The following PPIP5K2 variants were observed in gnomAD, a reference collection of about 807,000 sequenced individuals.
The protein encoded by PPIP5K2 is diphosphoinositol pentakisphosphate kinase 2.
Under a neutral mutation model 154.6 loss-of-function variants are expected in PPIP5K2, and 105 were observed. The observed-to-expected ratio is 0.68, with a 90% CI of 0.58 to 0.80. The LOEUF (loss-of-function observed/expected upper bound fraction) is 0.80. Ranked by LOEUF, PPIP5K2 falls within the 30% of genes least tolerant of loss-of-function variation. The pLI is 0.00. For synonymous variants in PPIP5K2, 480 were observed against 490.3 expected (o/e 0.98, Z 0.28); for missense variants, 992 against 1,504.6 (o/e 0.66, Z 5.64).
At position 103,204,542 on chromosome 5, in the gene PPIP5K2, T is replaced by C. The variant is rs1803391775; in HGVS notation, c.*2908T>C. On this transcript the variant is annotated 3_prime_UTR_variant, in exon 31 of 31. Transcript: ENST00000358359. ...TCACTACAGCCTTGAACTCCTGGGC[T>C]CAAGAAATCTTTCTGCTTCAGCCTC... The C allele has an allele frequency of 6.6e-6, 1 of 152,170 alleles. No homozygotes were observed. The highest frequency in any genetic ancestry group is 2.4e-5 in the African/African-American group (1 of 41,460). 9.4% of individuals were successfully genotyped at this position (152,170 alleles called of 1,614,324 possible). A position where few individuals can be genotyped will look rare whatever the true frequency, so the allele number is the denominator to read the frequency against.
chr5:103,129,500 A>G lies in PPIP5K2; in HGVS notation c.-90A>G, dbSNP rs1790263114. The G allele has an allele frequency of 9.5e-7, 1 of 1,055,384 alleles. No homozygotes were observed. The highest frequency in any genetic ancestry group is 1.3e-6 in the Non-Finnish European group (1 of 762,756). 65.4% of individuals were successfully genotyped at this position (1,055,384 alleles called of 1,614,324 possible). ...GTCACAGACCTGTGCGTCAGCTAAT[A>G]TATGGAGAATGCTTTCTTCTGATAC... On this transcript the variant is annotated 5_prime_UTR_variant, in exon 2 of 31. It adds an upstream start codon to the 5' untranslated region. Coordinates refer to ENST00000358359, the MANE Select transcript of PPIP5K2 (RefSeq NM_001276277.3).
At chr5:103,124,969 C>T (rs1418594389) in intron 1 of PPIP5K2, among the ~76,000 whole-genome samples, 1 of 152,046 alleles carries the variant, frequency 6.6e-6, no homozygotes, top group Non-Finnish European at 1.5e-5. Context: ...TATATGTGAC[C>T]AAAGGTCAAA....
intron 5 of PPIP5K2, among the ~76,000 whole-genome samples, chr5:103,143,965 G>T (rs114064919): frequency 8.6e-5 from 13 of 152,006 alleles, no homozygotes; most frequent in Admixed American, 3.3e-4. Flanking sequence ...GAAATAAAGG[G>T]CATCCAAATT....
chr5:103,149,005 G>T, intron 7 of PPIP5K2, 147 bp from the exon 8 acceptor site: 2 of 586,440 alleles, frequency 3.4e-6, no homozygotes, highest in Non-Finnish European at 5.5e-6. Context: ...CTGAAAATTT[G>T]GGCATGTAAA....
Position 103,203,895 on chromosome 5 carries a change from A to C in PPIP5K2, c.*2261A>C, listed in dbSNP as rs1554231499. 6.6e-6 allele frequency: 1 copy of C among 152,222 alleles called. No homozygotes were observed. The highest frequency in any genetic ancestry group is 1.9e-4 in the East Asian group (1 of 5,204). The allele number at this position is 152,222 out of a possible 1,614,324, so 9.4% of individuals were successfully genotyped here. A position where few individuals can be genotyped will look rare whatever the true frequency, so the allele number is the denominator to read the frequency against. On this transcript the variant is annotated 3_prime_UTR_variant, in exon 31 of 31. Transcript: ENST00000358359. Reference sequence around the variant, plus strand: ...GGCGTGGTACAGCAATTTTGGGTGAAGAAAAGTGTGCTGAACACCTTATGT... The same window carrying C: ...GGCGTGGTACAGCAATTTTGGGTGACGAAAAGTGTGCTGAACACCTTATGT...
chr5:103,187,590 A>G (rs1310508414), intron 28 of PPIP5K2, among the ~76,000 whole-genome samples: 1 of 152,076 alleles, frequency 6.6e-6, no homozygotes, highest in African/African-American at 2.4e-5. Flanking sequence ...TTACTCATCA[A>G]ACTTTTAATG....
intron 17 of PPIP5K2, among the ~76,000 whole-genome samples, chr5:103,163,669 A>G (rs1186836124): frequency 6.6e-6 from 1 of 151,922 alleles, no homozygotes; most frequent in Non-Finnish European, 1.5e-5. Context: ...CTGCCCTTCA[A>G]AATAAGGAAA....
rs1554232509 is a variant in PPIP5K2 at position 103,210,098 on chromosome 5, A to G, written c.*8464A>G. 2 of 152,202 alleles carry G rather than the reference A, an allele frequency of 1.3e-5. No individual in the cohort carries two copies. Among genetic ancestry groups the G allele is most frequent in the Non-Finnish European group, 2.9e-5 (2 of 68,028 alleles). 9.4% of individuals were successfully genotyped at this position (152,202 alleles called of 1,614,324 possible). ...CTGCCTCCTCGGTGAAATAGATGTA[A>G]AAGCCACAAAGAGAGAATCAATGAG... On this transcript the variant is annotated 3_prime_UTR_variant, in exon 31 of 31. Transcript: ENST00000358359.
chr5:103,205,625 G>A lies in PPIP5K2; in HGVS notation c.*3991G>A, dbSNP rs1803472846. On this transcript the variant is annotated 3_prime_UTR_variant, in exon 31 of 31. Transcript: ENST00000358359. ...GTTCATGTGCTTTGTCATGGATTGT[G>A]AGAAAAACATCTTTTCGCTTAGGGA... 1 of 152,156 alleles carries A rather than the reference G, an allele frequency of 6.6e-6. No homozygotes were observed. The highest frequency in any genetic ancestry group is 6.5e-5 in the Admixed American group (1 of 15,268). The allele number at this position is 152,156 out of a possible 1,614,324, so 9.4% of individuals were successfully genotyped here.
intron 23 of PPIP5K2, among the ~76,000 whole-genome samples, chr5:103,178,464 T>C (rs1399686436): frequency 6.6e-6 from 1 of 151,916 alleles, no homozygotes; most frequent in Non-Finnish European, 1.5e-5. Context: ...TCTCTCTCTC[T>C]ACCAGTACCA....
intron 30 of PPIP5K2, among the ~76,000 whole-genome samples, chr5:103,199,272 A>C (rs1418210333): frequency 1.3e-5 from 2 of 152,078 alleles, no homozygotes; most frequent in African/African-American, 4.8e-5. Context: ...CTGTGTTTCC[A>C]TCTGGTTTCG....
intron 30 of PPIP5K2, among the ~76,000 whole-genome samples, chr5:103,198,972 A>T (rs1330180471): frequency 1.3e-5 from 2 of 151,620 alleles, no homozygotes; most frequent in Non-Finnish European, 2.9e-5. Flanking sequence ...GTTGCTCTAA[A>T]TATATATTCC....
chr5:103,192,364 A>G (rs1245831070), intron 29 of PPIP5K2, among the ~76,000 whole-genome samples: 2 of 152,124 alleles, frequency 1.3e-5, no homozygotes, highest in Non-Finnish European at 2.9e-5. Context: ...ATAACCTGCT[A>G]GAATGGACAA....
intron 24 of PPIP5K2, among the ~76,000 whole-genome samples, chr5:103,182,089 C>G (rs1245624404): frequency 1.3e-5 from 2 of 152,064 alleles, no homozygotes; most frequent in African/African-American, 4.8e-5. Context: ...GGGAAATAAG[C>G]TATATTAATT....
rs782323024 is a variant in PPIP5K2 at position 103,152,719 on chromosome 5, TC to T, written c.1103del (p.Pro368GlnfsTer10). On this transcript the variant is annotated frameshift_variant, in exon 10 of 31. Coordinates refer to ENST00000358359, the MANE Select transcript of PPIP5K2 (RefSeq NM_001276277.3). LOFTEE classifies it high-confidence loss of function. ...TCAATACCCTTAGAAGCTGAAGATA[TC>T]CCAATTGTACCAACTACATCTGGAA... ...PWSIPLEAED[I>X]PIVPTTSGTM... 1 of 1,588,212 alleles carries T rather than the reference TC, an allele frequency of 6.3e-7. No homozygotes were observed. Among genetic ancestry groups the T allele is most frequent in the Non-Finnish European group, 8.6e-7 (1 of 1,157,276 alleles).
intron 3 of PPIP5K2, among the ~76,000 whole-genome samples, chr5:103,135,441 T>TC (rs1378654832): frequency 2.0e-5 from 3 of 152,226 alleles, no homozygotes; most frequent in South Asian, 2.1e-4. Context: ...ATTTTTTTTT[T>TC]CCCCCTGGAG....
In PPIP5K2 at chr5:103,202,191, T is replaced by A. The variant is rs1406242378; in HGVS notation, c.*557T>A. 1 of 152,668 alleles carries A rather than the reference T, an allele frequency of 6.6e-6. No individual in the cohort carries two copies. Among genetic ancestry groups the A allele is most frequent in the Non-Finnish European group, 1.5e-5 (1 of 68,042 alleles). 9.5% of individuals were successfully genotyped at this position (152,668 alleles called of 1,614,324 possible). On this transcript the variant is annotated 3_prime_UTR_variant, in exon 31 of 31. Coordinates refer to ENST00000358359, the MANE Select transcript of PPIP5K2 (RefSeq NM_001276277.3). ...AGCCACATGGGTTATTTTTTCAATC[T>A]GTGTTTTGAATTTTTTTATTGTGTG...
At chr5:103,201,476 G>A in intron 30 of PPIP5K2, 46 bp from the exon 31 acceptor site, 1 of 1,175,864 alleles carries the variant, frequency 8.5e-7, no homozygotes, top group South Asian at 1.5e-5. Context: ...GATTGTTTGT[G>A]TAAATTTAAG....
chr5:103,170,701 C>T (rs573147801), intron 19 of PPIP5K2, among the ~76,000 whole-genome samples: 2 of 150,144 alleles, frequency 1.3e-5, no homozygotes, highest in South Asian at 4.2e-4. Flanking sequence ...TAAATATTAT[C>T]TTGCTTTGTT....
Sources: gnomAD v4.1 joint callset for allele counts (sites outside exome capture counted in the v4.1 genomes callset) on GRCh38, gnomAD v4.1.1 for gene constraint, MANE v1.5 for transcripts, NCBI Gene and HGNC (gene_info 2026-07-23, HGNC 2026-07-21) for gene names.